The following KLF13 variants were observed in gnomAD, a reference collection of about 807,000 sequenced individuals.
KLF13 encodes Krueppel-like factor 13.
KLF13 carries 8 observed loss-of-function variants against 16.7 expected under a neutral mutation model. The ratio of observed to expected loss-of-function variants is 0.48; its 90% confidence interval spans 0.28 to 0.87. The LOEUF (loss-of-function observed/expected upper bound fraction) is 0.87, where lower values mean the gene tolerates loss of function less well. KLF13 is among the 40% of genes least tolerant of loss of function. KLF13 has a pLI of 0.10. For synonymous variants in KLF13, 245 were observed against 208.4 expected (o/e 1.18, Z -1.51); for missense variants, 447 against 452.2 (o/e 0.99, Z 0.10).
exon 3 of KLF13, chr15:31,404,015 G>A (rs1000938403): frequency 5.9e-5 from 9 of 152,164 alleles, no homozygotes; most frequent in Non-Finnish European, 7.3e-5. Flanking sequence ...TAAGCAGGTC[G>A]GCATAGGTGC....
chr15:31,327,925 C>T (rs2038748117), intron 1 of KLF13, 136 bp downstream of exon 1: 3 of 1,025,230 alleles, frequency 2.9e-6, no homozygotes, highest in Admixed American at 5.4e-5. Flanking sequence ...CGCCCCTTCC[C>T]CTGCCGCTCC....
At chr15:31,431,877 A>G (rs971314345) in intron 1 of KLF13, among the ~76,000 whole-genome samples, 1 of 152,198 alleles carries the variant, frequency 6.6e-6, no homozygotes, top group African/African-American at 2.4e-5. Flanking sequence ...CGACCTTATC[A>G]TTTAGGGACG....
At chr15:31,344,774 G>T (rs940228629) in intron 1 of KLF13, among the ~76,000 whole-genome samples, 3 of 151,922 alleles carry the variant, frequency 2.0e-5, no homozygotes, top group African/African-American at 7.2e-5. Context: ...GTGCAGAAAA[G>T]AGCTGGGAGG....
intron 1 of KLF13, among the ~76,000 whole-genome samples, chr15:31,356,954 C>T (rs940737763): frequency 6.6e-6 from 1 of 152,204 alleles, no homozygotes; most frequent in African/African-American, 2.4e-5. Context: ...CACCTCACCT[C>T]CTGTGTTCTC....
chr15:31,416,191 A>C (rs2141004930), intron 1 of KLF13, among the ~76,000 whole-genome samples: 1 of 152,222 alleles, frequency 6.6e-6, no homozygotes, highest in East Asian at 1.9e-4. Flanking sequence ...CACTAAGAAA[A>C]TCTTAGGCCC....
chr15:31,335,474 TGTATGGTGGC>T (rs2038915143), intron 1 of KLF13, among the ~76,000 whole-genome samples: 1 of 11,304 alleles, frequency 8.8e-5, no homozygotes, highest in Non-Finnish European at 2.0e-4. Flanking sequence ...TGTGTGTGTG[TGTATGGTGGC>T]GGGGCAGGGG....
chr15:31,394,599 G>C (rs1266062435), intron 2 of KLF13, among the ~76,000 whole-genome samples: 2 of 152,160 alleles, frequency 1.3e-5, no homozygotes, highest in African/African-American at 4.8e-5. Context: ...GTGGATATGG[G>C]CAGAGAGGAT....
chr15:31,393,477 G>C (rs1566833550), intron 1 of KLF13: 1 of 128,786 alleles, frequency 7.8e-6, no homozygotes, highest in Non-Finnish European at 1.6e-5. Flanking sequence ...GGGGGTTTCA[G>C]AGCCAGGGCA....
At chr15:31,402,176 T>G (rs538592250) in intron 2 of KLF13, among the ~76,000 whole-genome samples, 352 of 152,320 alleles carry the variant, frequency 2.3e-3, no homozygotes, top group Non-Finnish European at 3.5e-3. Flanking sequence ...GGGCCGGGCA[T>G]GGGAGCCACA....
chr15:31,389,784 T>C (rs552465111), upstream of KLF13, among the ~76,000 whole-genome samples: 3 of 152,260 alleles, frequency 2.0e-5, no homozygotes, highest in African/African-American at 4.8e-5. Context: ...CCCTAGGCAG[T>C]TGGGCATGTC....
exon 2 of KLF13, chr15:31,435,417 A>C: frequency 6.6e-6 from 1 of 152,178 alleles, no homozygotes; most frequent in Non-Finnish European, 1.5e-5. Context: ...GGGAGGCTGG[A>C]GAGCTTGTCA....
intron 1 of KLF13, chr15:31,420,557 A>G (rs1383308353): frequency 9.9e-6 from 5 of 506,568 alleles, no homozygotes; most frequent in African/African-American, 3.9e-5. Context: ...AGAACCCAAC[A>G]TTGATAGCCC....
intron 1 of KLF13, among the ~76,000 whole-genome samples, chr15:31,412,714 A>G (rs1266371101): frequency 6.6e-6 from 1 of 152,072 alleles, no homozygotes; most frequent in Non-Finnish European, 1.5e-5. Flanking sequence ...ATTTTGCCCG[A>G]TTGGAGACGA....
chr15:31,427,713 G>A (rs2040416565), intron 1 of KLF13, among the ~76,000 whole-genome samples: 1 of 152,208 alleles, frequency 6.6e-6, no homozygotes, highest in Non-Finnish European at 1.5e-5. Flanking sequence ...TCTGCAGGCT[G>A]TGCAGGAAAC....
At chr15:31,419,799 C>T (rs569310012) in intron 1 of KLF13, among the ~76,000 whole-genome samples, 1 of 152,236 alleles carries the variant, frequency 6.6e-6, no homozygotes, top group East Asian at 1.9e-4. Context: ...AGAAAATGGA[C>T]ATCCAAATTC....
At position 31,327,113 on chromosome 15, in the gene KLF13, G is replaced by C. The variant is rs1200903591; in HGVS notation, c.-100G>C. On this transcript the variant is annotated 5_prime_UTR_variant, in exon 1 of 2. Coordinates refer to ENST00000307145, the MANE Select transcript of KLF13 (RefSeq NM_015995.4). ...CCAGCCCAGCCCGAGGAGAGGGCGC[G>C]CCGCGCCCCCGCCCCCCGCCCGCTC... The C allele has an allele frequency of 1.1e-6, 1 of 951,534 alleles. No homozygotes were observed. Among genetic ancestry groups the C allele is most frequent in the Admixed American group, 5.2e-5 (1 of 19,218 alleles). The allele number at this position is 951,534 out of a possible 1,614,324, so 58.9% of individuals were successfully genotyped here.
At chr15:31,356,854 C>T (rs1392306441) in intron 1 of KLF13, among the ~76,000 whole-genome samples, 4 of 152,124 alleles carry the variant, frequency 2.6e-5, no homozygotes, top group Admixed American at 6.5e-5. Flanking sequence ...GAGGTGTGCA[C>T]GTGTGTGGAG....
intron 1 of KLF13, chr15:31,420,477 T>G (rs2040308066): frequency 1.3e-6 from 1 of 747,040 alleles, no homozygotes; most frequent in Non-Finnish European, 2.4e-6. Context: ...TGCCTGGATA[T>G]CTGGAAAGAC....
chr15:31,376,414 C>T lies in KLF13; in HGVS notation c.*4115C>T, dbSNP rs1280680595. 6.6e-6 allele frequency: 1 copy of T among 152,298 alleles called. No homozygotes were observed. The highest frequency in any genetic ancestry group is 2.4e-5 in the African/African-American group (1 of 41,452). The allele number at this position is 152,298 out of a possible 1,614,324, so 9.4% of individuals were successfully genotyped here. A position where few individuals can be genotyped will look rare whatever the true frequency, so the allele number is the denominator to read the frequency against. ...TTTAAAGGGTGTAATGTGTTGGTCA[C>T]ATCACAACCAGTAAGAAACGCTTGG... On this transcript the variant is annotated 3_prime_UTR_variant, in exon 2 of 2. Transcript: ENST00000307145.
Sources: allele counts gnomAD v4.1 joint callset (sites outside exome capture counted in the v4.1 genomes callset), GRCh38; gene constraint gnomAD v4.1.1; transcripts MANE v1.5; gene names NCBI Gene and HGNC (gene_info 2026-07-23, HGNC 2026-07-21).